Variants in BTBD8 observed in about 807,000 individuals in gnomAD.
BTBD8 encodes BTB/POZ domain-containing protein 8.
A neutral mutation model predicts 162.9 loss-of-function variants in BTBD8; 110 were observed. The observed-to-expected ratio is 0.68, with a 90% CI of 0.58 to 0.79. The LOEUF is 0.79. BTBD8 is among the 30% of genes least tolerant of loss of function. The pLI, the probability that BTBD8 is intolerant of heterozygous loss-of-function variation, is 0.00. For missense variants in BTBD8, 1,905 were observed against 2,085.4 expected (o/e 0.91, Z 1.68); for synonymous variants, 667 against 716.1 (o/e 0.93, Z 1.10).
intron 1 of BTBD8, among the ~76,000 whole-genome samples, chr1:92,085,336 A>T (rs1028920236): frequency 6.6e-6 from 1 of 152,244 alleles, no homozygotes; most frequent in Non-Finnish European, 1.5e-5. Flanking sequence ...TTATGCCTGT[A>T]ATCCCAGCAC....
chr1:92,095,112 A>C (rs962667568), intron 2 of BTBD8, among the ~76,000 whole-genome samples: 1 of 152,170 alleles, frequency 6.6e-6, no homozygotes, highest in Non-Finnish European at 1.5e-5. Flanking sequence ...GAACCAGCCA[A>C]TCCTAAGTAC....
At chr1:92,105,563 T>G (rs1648705308) in intron 3 of BTBD8, among the ~76,000 whole-genome samples, 1 of 152,122 alleles carries the variant, frequency 6.6e-6, no homozygotes, top group East Asian at 1.9e-4. Flanking sequence ...AAAATATATC[T>G]TAAATATCTC....
intron 3 of BTBD8, among the ~76,000 whole-genome samples, chr1:92,105,532 C>T (rs1394450091): frequency 6.6e-6 from 1 of 152,222 alleles, no homozygotes; most frequent in Non-Finnish European, 1.5e-5. Flanking sequence ...GGATTATAGG[C>T]ATGAGCCACT....
chr1:92,128,364 C>T (rs904192053), intron 4 of BTBD8, among the ~76,000 whole-genome samples: 2 of 151,996 alleles, frequency 1.3e-5, no homozygotes, highest in Non-Finnish European at 1.5e-5. Flanking sequence ...CTGCAAGCTC[C>T]GCCTCCTGGG....
intron 2 of BTBD8, among the ~76,000 whole-genome samples, chr1:92,096,622 C>G (rs1427573649): frequency 6.6e-6 from 1 of 150,826 alleles, no homozygotes; most frequent in Non-Finnish European, 1.5e-5. Context: ...GCAATCATAG[C>G]TCACTGTAAC....
chr1:92,092,404 AAAAAAG>A (rs1321654086), intron 2 of BTBD8, among the ~76,000 whole-genome samples: 1 of 151,838 alleles, frequency 6.6e-6, no homozygotes, highest in African/African-American at 2.4e-5. Context: ...CAAAAAAAAA[AAAAAAG>A]AAAAGAAGAG....
At chr1:92,169,438 C>T (rs551615013) in intron 12 of BTBD8, among the ~76,000 whole-genome samples, 2 of 152,232 alleles carry the variant, frequency 1.3e-5, no homozygotes, top group South Asian at 4.1e-4. Context: ...TATTTCACAA[C>T]TGATTGGTTC....
At chr1:92,109,079 G>T (rs1286780983) in intron 4 of BTBD8, among the ~76,000 whole-genome samples, 1 of 152,060 alleles carries the variant, frequency 6.6e-6, no homozygotes, top group Non-Finnish European at 1.5e-5. Flanking sequence ...TTCTCTATGG[G>T]ACTGTGTACT....
At position 92,105,562 on chromosome 1, in the gene BTBD8, C is replaced by T. The variant is rs1648705067; in HGVS notation, c.545-2322C>T. ...GCCACTGTGCCCAGCCAAAATATAT[C>T]TTAAATATCTCAAATGTAACCTGTC... On this transcript the variant is annotated intron_variant, in intron 3 of 17. Coordinates refer to ENST00000636805, the MANE Select transcript of BTBD8 (RefSeq NM_001376131.1). 1.3e-5 allele frequency among the ~76,000 whole-genome samples: 2 copies of T among 152,086 alleles called. 1 individual carries two copies. The highest frequency in any genetic ancestry group is 4.1e-4 in the South Asian group (2 of 4,830).
intron 10 of BTBD8, among the ~76,000 whole-genome samples, 189 bp from the exon 11 acceptor site, chr1:92,167,659 A>G (rs550286416): frequency 2.0e-5 from 3 of 152,378 alleles, no homozygotes; most frequent in African/African-American, 7.2e-5. Context: ...TTAAAGTATA[A>G]TAAAAATAAA....
At chr1:92,126,176 G>A in intron 4 of BTBD8, 1 of 511,776 alleles carries the variant, frequency 2.0e-6, no homozygotes, top group East Asian at 4.8e-5. Context: ...AGATTGTGGT[G>A]CAGGGAGAAC....
At chr1:92,127,281 T>C (rs1649384799) in intron 4 of BTBD8, among the ~76,000 whole-genome samples, 1 of 152,226 alleles carries the variant, frequency 6.6e-6, no homozygotes, top group Non-Finnish European at 1.5e-5. Context: ...GATCATATGC[T>C]GAATTGAGGA....
At chr1:92,142,501 G>A (rs1253862414) in intron 7 of BTBD8, among the ~76,000 whole-genome samples, 2 of 152,234 alleles carry the variant, frequency 1.3e-5, no homozygotes, top group Non-Finnish European at 2.9e-5. Flanking sequence ...ATATACTTGA[G>A]TGAGGAGATT....
rs61741769 is a variant in BTBD8 at position 92,181,044 on chromosome 1, A to G, written c.3361A>G (p.Ile1121Val). The G allele has an allele frequency of 2.0e-5, 31 of 1,551,746 alleles. 1 individual carries two copies. In the African/African-American group the frequency reaches 2.6e-4, roughly 13 times the overall value. Reference sequence around the variant, plus strand: ...AACAAGTGCAGGGCAAATCCATTTGATATCAGATAGGGAGAACCAAGTAGG... The same window carrying G: ...AACAAGTGCAGGGCAAATCCATTTGGTATCAGATAGGGAGAACCAAGTAGG... ...DSTSAGQIHL[I>V]SDRENQVGRK... Residue 1121 changes from isoleucine to valine, a missense_variant, in exon 17 of 18, where the codon ATA becomes GTA. Around this residue, in one of 3 missense-constraint regions of BTBD8, gnomAD observed 1,374 missense variants for 1,442.7 expected, o/e 0.95. Coordinates refer to ENST00000636805, the MANE Select transcript of BTBD8 (RefSeq NM_001376131.1).
chr1:92,183,471 C>G (rs1365288157), intron 17 of BTBD8, among the ~76,000 whole-genome samples: 4 of 151,912 alleles, frequency 2.6e-5, no homozygotes, highest in African/African-American at 9.7e-5. Context: ...TGTATTTATC[C>G]CTGCCTTTTG....
chr1:92,139,596 A>C, intron 6 of BTBD8, 166 bp downstream of exon 6: 1 of 1,254,860 alleles, frequency 8.0e-7, no homozygotes, highest in Non-Finnish European at 1.0e-6. Context: ...AAATCATCTT[A>C]TTTAGAAGAA....
chr1:92,163,191 A>G (rs895771356), intron 9 of BTBD8, among the ~76,000 whole-genome samples: 1 of 151,444 alleles, frequency 6.6e-6, no homozygotes, highest in East Asian at 1.9e-4. Flanking sequence ...CGTCTCTACT[A>G]AAAAATACAA....
chr1:92,184,378 C>A lies in BTBD8; in HGVS notation c.*48C>A, dbSNP rs1315807367. 5.2e-6 allele frequency: 6 copies of A among 1,143,396 alleles called. No individual in the cohort carries two copies. Among genetic ancestry groups the A allele is most frequent in the East Asian group, 5.1e-5 (2 of 38,840 alleles). The allele number at this position is 1,143,396 out of a possible 1,614,324, so 70.8% of individuals were successfully genotyped here. A position where few individuals can be genotyped will look rare whatever the true frequency, so the allele number is the denominator to read the frequency against. ...TATGCCACTCCTTTATTTTTTGATG[C>A]CTATATTATATCCAAATGATAATTG... On this transcript the variant is annotated 3_prime_UTR_variant, in exon 18 of 18. Transcript: ENST00000636805.
In BTBD8 at chr1:92,181,447, C is replaced by T. The variant is rs1412529203; in HGVS notation, c.3764C>T (p.Ala1255Val). Residue 1255 changes from alanine to valine, a missense_variant, in exon 17 of 18, where the codon GCT becomes GTT. By Grantham distance (64) the Ala-to-Val change is moderately conservative. Coordinates refer to ENST00000636805, the MANE Select transcript of BTBD8 (RefSeq NM_001376131.1). Reference sequence around the variant, plus strand: ...AGTCCTGAATCTGACACTGGCAGTGCTACCACCTCCTCCGATGACATAAAG... The same window carrying T: ...AGTCCTGAATCTGACACTGGCAGTGTTACCACCTCCTCCGATGACATAAAG... The part of the protein sequence containing the change: ...RESPESDTGS[A>V]TTSSDDIKPR... 6.4e-7 allele frequency: 1 copy of T among 1,551,562 alleles called. No individual in the cohort carries two copies. The highest frequency in any genetic ancestry group is 1.4e-5 in the African/African-American group (1 of 73,030).
Sources: gnomAD v4.1 joint callset for allele counts (sites outside exome capture counted in the v4.1 genomes callset) on GRCh38, gnomAD v4.1.1 for gene constraint, gnomAD v4.1.1 regional missense constraint, MANE v1.5 for transcripts, NCBI Gene and HGNC (gene_info 2026-07-23, HGNC 2026-07-21) for gene names.